Variants in RBFOX1 observed in about 807,000 individuals in gnomAD.
The protein encoded by RBFOX1 is RNA binding fox-1 homolog 1, also known as RNA binding protein fox-1 homolog 1.
RBFOX1 carries 8 observed loss-of-function variants against 57.7 expected under a neutral mutation model. That is an observed-to-expected ratio of 0.14 (90% CI 0.08 to 0.25). The LOEUF (loss-of-function observed/expected upper bound fraction) is 0.25. Among genes scored for constraint, RBFOX1 ranks in the 10% least tolerant of loss-of-function variants. RBFOX1 has a pLI of 1.00. For synonymous variants in RBFOX1, 326 were observed against 222.4 expected, an observed-to-expected ratio of 1.47 and a Z score of -4.15; for missense variants, 611 against 548.5, an observed-to-expected ratio of 1.11 and a Z score of -1.14.
chr16:5,688,961 A>G lies in RBFOX1; in HGVS notation c.318+90000A>G, dbSNP rs187926198. 1.1e-3 allele frequency among the ~76,000 whole-genome samples: 160 copies of G among 152,358 alleles called. 1 individual carries two copies. Among genetic ancestry groups the G allele is most frequent in the Admixed American group, 2.2e-3 (33 of 15,298 alleles). ...CACTAACGCCAGGGGCACAGCCCTC[A>G]CAGCTCTACCTACCAAATGTGAACC... On this transcript the variant is annotated intron_variant, in intron 3 of 19. Transcript: ENST00000641259.
chr16:7,557,774 A>T (rs1261726970), intron 5 of RBFOX1, among the ~76,000 whole-genome samples: 4 of 152,120 alleles, frequency 2.6e-5, no homozygotes, highest in African/African-American at 9.7e-5. Context: ...AATGCTTAAC[A>T]ACTAGCTTGG....
At chr16:6,852,167 A>C (rs1470120433) in intron 3 of RBFOX1, among the ~76,000 whole-genome samples, 1 of 152,050 alleles carries the variant, frequency 6.6e-6, no homozygotes, top group Non-Finnish European at 1.5e-5. Context: ...AATCAGTGTC[A>C]CTGGCCTGCA....
At chr16:7,316,893 C>T (rs1030425966) in intron 4 of RBFOX1, among the ~76,000 whole-genome samples, 3 of 151,210 alleles carry the variant, frequency 2.0e-5, no homozygotes, top group African/African-American at 7.3e-5. Context: ...ACATAAGGGC[C>T]AGAGACGACT....
intron 3 of RBFOX1, among the ~76,000 whole-genome samples, chr16:6,895,446 GTGTA>G (rs1356875513): frequency 0.011 from 609 of 56,962 alleles, 12 homozygotes; most frequent in Admixed American, 0.041. Flanking sequence ...GTGTGTGTGT[GTGTA>G]TATATATATA....
In RBFOX1 at chr16:5,705,502, A is replaced by C. The variant is rs75189943; in HGVS notation, c.318+106541A>C. ...GGTTTCAAACTCATGGGCTCAAGCA[A>C]GGATCTCTCAGCTTTTAAACACCTC... is the stretch of plus-strand genomic sequence containing the variant. On this transcript the variant is annotated intron_variant, in intron 3 of 19. Transcript: ENST00000641259. 4.8e-4 allele frequency among the ~76,000 whole-genome samples: 73 copies of C among 152,310 alleles called. 1 individual carries two copies. In the East Asian group the frequency reaches 0.014, roughly 29 times the overall value.
At chr16:7,440,771 C>G (rs191637622) in intron 4 of RBFOX1, among the ~76,000 whole-genome samples, 1 of 152,280 alleles carries the variant, frequency 6.6e-6, no homozygotes, top group Admixed American at 6.5e-5. Flanking sequence ...GCATCTTCCT[C>G]TTCAACTTCA....
At chr16:7,595,395 C>G (rs2094634642) in intron 7 of RBFOX1, among the ~76,000 whole-genome samples, 154 bp from the exon 8 acceptor site, 1 of 152,174 alleles carries the variant, frequency 6.6e-6, no homozygotes, top group African/African-American at 2.4e-5. Context: ...TTAATTATTG[C>G]ACATCTCAGT....
chr16:7,213,617 C>T (rs903691897), intron 4 of RBFOX1, among the ~76,000 whole-genome samples: 11 of 151,978 alleles, frequency 7.2e-5, no homozygotes, highest in African/African-American at 2.2e-4. Context: ...GGGAGCTTAC[C>T]GTGTGCCTGG....
At chr16:6,589,490 C>T (rs1022958917) in intron 2 of RBFOX1, among the ~76,000 whole-genome samples, 3 of 152,154 alleles carry the variant, frequency 2.0e-5, no homozygotes, top group African/African-American at 7.2e-5. Context: ...CCAGATGAGC[C>T]AGTTGATCCA....
chr16:5,786,732 A>G (rs1236935414), intron 3 of RBFOX1, among the ~76,000 whole-genome samples: 3 of 152,156 alleles, frequency 2.0e-5, no homozygotes, highest in Non-Finnish European at 2.9e-5. Context: ...CATTACAGCC[A>G]TTTCACATTT....
chr16:6,944,018 T>G (rs1467497826), intron 3 of RBFOX1, among the ~76,000 whole-genome samples: 1 of 152,146 alleles, frequency 6.6e-6, no homozygotes, highest in Non-Finnish European at 1.5e-5. Context: ...TAAGTTTAAT[T>G]TGGCTGAAGT....
chr16:6,539,387 C>A (rs1182793076), intron 2 of RBFOX1, among the ~76,000 whole-genome samples: 1 of 152,148 alleles, frequency 6.6e-6, no homozygotes, highest in African/African-American at 2.4e-5. Context: ...GCATCTGGCA[C>A]ACAGCAGCAC....
At chr16:7,245,622 T>G (rs1029971384) in intron 4 of RBFOX1, among the ~76,000 whole-genome samples, 1 of 152,230 alleles carries the variant, frequency 6.6e-6, no homozygotes, top group Admixed American at 6.5e-5. Flanking sequence ...TTTGGAGAGC[T>G]AGAGAAAGAG....
intron 3 of RBFOX1, among the ~76,000 whole-genome samples, chr16:6,908,195 A>G (rs978047442): frequency 6.6e-6 from 1 of 151,666 alleles, no homozygotes; most frequent in Non-Finnish European, 1.5e-5. Flanking sequence ...AGTTCAGATT[A>G]TTACCTCTGC....
At chr16:5,406,619 C>T (rs146772219) in intron 1 of RBFOX1, among the ~76,000 whole-genome samples, 99 of 152,028 alleles carry the variant, frequency 6.5e-4, no homozygotes, top group African/African-American at 2.0e-3. Flanking sequence ...TTCACACACA[C>T]GTGTATATGC....
At chr16:5,444,983 A>G (rs1160355814) in intron 1 of RBFOX1, among the ~76,000 whole-genome samples, 1 of 152,164 alleles carries the variant, frequency 6.6e-6, no homozygotes, top group Non-Finnish European at 1.5e-5. Context: ...GGGGAAATCA[A>G]CACCCTGTCA....
At chr16:6,018,160 G>A (rs1401691995), upstream of RBFOX1, among the ~76,000 whole-genome samples, 4 of 148,720 alleles carry the variant, frequency 2.7e-5, no homozygotes. Context: ...AAAAGAGGAA[G>A]GGAGAAAGGA....
chr16:7,252,877 TAC>T (rs1344760604), intron 4 of RBFOX1, among the ~76,000 whole-genome samples: 2 of 152,140 alleles, frequency 1.3e-5, no homozygotes, highest in Non-Finnish European at 2.9e-5. Context: ...TCATATGACC[TAC>T]CCATATTTGG....
intron 3 of RBFOX1, among the ~76,000 whole-genome samples, chr16:5,821,137 G>A (rs2055838277): frequency 6.6e-6 from 1 of 152,078 alleles, no homozygotes; most frequent in Non-Finnish European, 1.5e-5. Flanking sequence ...CAGGACAAAG[G>A]CTCTCTGCTG....
Sources: gnomAD v4.1 joint callset for allele counts (sites outside exome capture counted in the v4.1 genomes callset) on GRCh38, gnomAD v4.1.1 for gene constraint, MANE v1.5 for transcripts, NCBI Gene and HGNC (gene_info 2026-07-23, HGNC 2026-07-21) for gene names.